GRIA1: variants seen among roughly 807,000 people sequenced by gnomAD.
GRIA1 encodes glutamate ionotropic receptor AMPA type subunit 1, also known as glutamate receptor 1.
In GRIA1, 31 loss-of-function variants were observed where a neutral mutation model predicts 99.2. The observed-to-expected ratio is 0.31, with a 90% CI of 0.23 to 0.42. The LOEUF (loss-of-function observed/expected upper bound fraction) is 0.42, where lower values mean the gene tolerates loss of function less well. Among genes scored for constraint, GRIA1 ranks in the 10% least tolerant of loss-of-function variants. The pLI is 1.00. For synonymous variants in GRIA1, 438 were observed against 432.4 expected (o/e 1.01, Z -0.16); for missense variants, 782 against 1,157.5 (o/e 0.68, Z 4.71).
chr5:153,724,698 A>G (rs1271317676), intron 11 of GRIA1, among the ~76,000 whole-genome samples: 1 of 152,192 alleles, frequency 6.6e-6, no homozygotes, highest in Non-Finnish European at 1.5e-5. Flanking sequence ...GTTTAGAGAA[A>G]AAAGAATAAA....
chr5:153,558,999 G>C (rs927970391), intron 2 of GRIA1, among the ~76,000 whole-genome samples: 9 of 152,250 alleles, frequency 5.9e-5, no homozygotes, highest in African/African-American at 2.2e-4. Flanking sequence ...ATTGGGTTAG[G>C]ATTGAAGTGC....
At chr5:153,733,976 T>C (rs965030600) in intron 11 of GRIA1, among the ~76,000 whole-genome samples, 3 of 152,126 alleles carry the variant, frequency 2.0e-5, no homozygotes, top group African/African-American at 4.8e-5. Flanking sequence ...TAAGGAAACA[T>C]TGGACTTGAA....
intron 2 of GRIA1, among the ~76,000 whole-genome samples, chr5:153,593,196 G>T (rs968236767): frequency 3.3e-5 from 5 of 152,188 alleles, no homozygotes; most frequent in Non-Finnish European, 7.3e-5. Context: ...GAGCCTGGAA[G>T]GTGGAGGATG....
chr5:153,637,525 C>T (rs1753454675), intron 2 of GRIA1, among the ~76,000 whole-genome samples: 1 of 152,174 alleles, frequency 6.6e-6, no homozygotes, highest in South Asian at 2.1e-4. Flanking sequence ...CGTGGGTACA[C>T]AGTGATGCTA....
At chr5:153,650,140 C>T (rs1754446646) in intron 3 of GRIA1, among the ~76,000 whole-genome samples, 190 bp from the exon 4 acceptor site, 1 of 152,172 alleles carries the variant, frequency 6.6e-6, no homozygotes, top group Non-Finnish European at 1.5e-5. Context: ...ACTAGTTCTA[C>T]CATCTATGTT....
intron 11 of GRIA1, among the ~76,000 whole-genome samples, chr5:153,735,429 C>G (rs1178403542): frequency 6.6e-6 from 1 of 152,090 alleles, no homozygotes; most frequent in Non-Finnish European, 1.5e-5. Flanking sequence ...GTCGCATACA[C>G]CAGTAATTAG....
At chr5:153,663,574 A>G (rs1247699114) in intron 5 of GRIA1, among the ~76,000 whole-genome samples, 1 of 152,204 alleles carries the variant, frequency 6.6e-6, no homozygotes, top group African/African-American at 2.4e-5. Context: ...AAAATGAGTT[A>G]ATGTATGTAA....
chr5:153,558,388 C>T (rs1301909695), intron 2 of GRIA1, among the ~76,000 whole-genome samples: 1 of 152,018 alleles, frequency 6.6e-6, no homozygotes, highest in Non-Finnish European at 1.5e-5. Context: ...CATTTATAGG[C>T]AATTTTCTCC....
chr5:153,521,317 G>C (rs934690672), intron 2 of GRIA1, among the ~76,000 whole-genome samples: 2 of 152,246 alleles, frequency 1.3e-5, no homozygotes, highest in Non-Finnish European at 2.9e-5. Context: ...ACAGAAGAAA[G>C]TATCAGGGAC....
intron 2 of GRIA1, among the ~76,000 whole-genome samples, chr5:153,601,066 C>T (rs1764910279): frequency 6.6e-6 from 1 of 152,196 alleles, no homozygotes; most frequent in Non-Finnish European, 1.5e-5. Flanking sequence ...GGGACATTGT[C>T]AAGAAAATTC....
chr5:153,546,223 A>T (rs1759603982), intron 2 of GRIA1, among the ~76,000 whole-genome samples: 1 of 152,228 alleles, frequency 6.6e-6, no homozygotes, highest in Non-Finnish European at 1.5e-5. Context: ...AAGAAGGAAG[A>T]GTTGAAGAAG....
intron 1 of GRIA1, 68 bp from the exon 2 acceptor site, chr5:153,493,860 G>A: frequency 1.3e-6 from 2 of 1,502,830 alleles, no homozygotes; most frequent in Admixed American, 1.7e-5. Context: ...GACTCATCTG[G>A]AGTGAGTCGT....
At chr5:153,665,545 A>G (rs1349051268) in intron 5 of GRIA1, among the ~76,000 whole-genome samples, 2 of 152,214 alleles carry the variant, frequency 1.3e-5, no homozygotes, top group Non-Finnish European at 2.9e-5. Flanking sequence ...GGAAAATGTG[A>G]AGACTTTTAT....
chr5:153,688,545 G>T (rs550389271), intron 8 of GRIA1, among the ~76,000 whole-genome samples: 4 of 152,108 alleles, frequency 2.6e-5, no homozygotes, highest in East Asian at 3.9e-4. Flanking sequence ...CTGTGTTAGT[G>T]GTTATTAATA....
intron 15 of GRIA1, among the ~76,000 whole-genome samples, chr5:153,808,752 TTC>T (rs1196158165): frequency 6.6e-6 from 1 of 152,216 alleles, no homozygotes; most frequent in Non-Finnish European, 1.5e-5. Context: ...CATTTATCAT[TTC>T]TCCTGACTTT....
chr5:153,703,237 A>G (rs1291222371), intron 10 of GRIA1, among the ~76,000 whole-genome samples: 2 of 152,248 alleles, frequency 1.3e-5, no homozygotes, highest in Admixed American at 1.3e-4. Context: ...ATGCTTAGGA[A>G]GATGAATGAC....
rs559305110 is a variant in GRIA1, at chr5:153,502,522, A to G, written c.220+8457A>G. ...TTTTAGCTCCCGCTGGACTATTGTC[A>G]TGAGGGGTCCTAAATAAGGTATAAG... On this transcript the variant is annotated intron_variant, in intron 2 of 15. Coordinates refer to ENST00000285900, the MANE Select transcript of GRIA1 (RefSeq NM_000827.4). Among the ~76,000 whole-genome samples the G allele has an allele frequency of 5.9e-5, 9 of 152,334 alleles. No individual in the cohort carries two copies. In the South Asian group the frequency reaches 8.3e-4, roughly 14 times the overall value.
At chr5:153,507,861 C>T (rs1755688766) in intron 2 of GRIA1, among the ~76,000 whole-genome samples, 1 of 152,202 alleles carries the variant, frequency 6.6e-6, no homozygotes, top group Non-Finnish European at 1.5e-5. Context: ...CTAAACCCTA[C>T]ACTCTATGTT....
At chr5:153,523,851 T>C (rs941442027) in intron 2 of GRIA1, among the ~76,000 whole-genome samples, 1 of 152,178 alleles carries the variant, frequency 6.6e-6, no homozygotes, top group Admixed American at 6.5e-5. Flanking sequence ...GAATTATTAG[T>C]AATCACCAGC....
Sources: gnomAD v4.1 joint callset for allele counts (sites outside exome capture counted in the v4.1 genomes callset) on GRCh38, gnomAD v4.1.1 for gene constraint, MANE v1.5 for transcripts, NCBI Gene and HGNC (gene_info 2026-07-23, HGNC 2026-07-21) for gene names.